TFG: variants seen among roughly 807,000 people sequenced by gnomAD.
TFG encodes protein TFG.
Under a neutral mutation model 51.4 loss-of-function variants are expected in TFG, and 22 were observed. The ratio of observed to expected loss-of-function variants is 0.43; its 90% confidence interval spans 0.31 to 0.61. TFG has a LOEUF of 0.61. Ranked by LOEUF, TFG falls within the 20% of genes least tolerant of loss-of-function variation. The pLI, the probability that TFG is intolerant of heterozygous loss-of-function variation, is 0.12. For synonymous variants in TFG, 187 were observed against 165.6 expected (o/e 1.13, Z -0.99); for missense variants, 419 against 487.7 (o/e 0.86, Z 1.33).
intron 7 of TFG, among the ~76,000 whole-genome samples, chr3:100,746,863 T>A (rs2095136237): frequency 6.6e-6 from 1 of 152,212 alleles, no homozygotes; most frequent in African/African-American, 2.4e-5. Flanking sequence ...TCCATCTATT[T>A]CTTCAAAACC....
chr3:100,711,700 G>A (rs2095031833), intron 1 of TFG, among the ~76,000 whole-genome samples: 1 of 152,192 alleles, frequency 6.6e-6, no homozygotes, highest in Non-Finnish European at 1.5e-5. Flanking sequence ...GCTAAGCACT[G>A]GTTCCTTTTA....
intron 1 of TFG, chr3:100,711,217 C>G (rs1041063947): frequency 6.5e-6 from 1 of 152,742 alleles, no homozygotes; most frequent in African/African-American, 2.4e-5. Flanking sequence ...ATTCTCCTGC[C>G]TCAGTCTCCT....
intron 2 of TFG, among the ~76,000 whole-genome samples, chr3:100,714,316 A>G (rs2095039516): frequency 6.6e-6 from 1 of 152,118 alleles, no homozygotes; most frequent in Non-Finnish European, 1.5e-5. Context: ...CCTGGCCAAC[A>G]TGGCGAAACC....
At chr3:100,727,132 G>C (rs532238545) in intron 3 of TFG, among the ~76,000 whole-genome samples, 1 of 152,300 alleles carries the variant, frequency 6.6e-6, no homozygotes, top group Non-Finnish European at 1.5e-5. Flanking sequence ...TGATGTTGGT[G>C]TTCTTTGAAA....
chr3:100,719,949 CAA>C (rs2095056185), intron 2 of TFG, 24 bp from the exon 3 acceptor site: 1 of 1,406,974 alleles, frequency 7.1e-7, no homozygotes, highest in Non-Finnish European at 9.7e-7. Flanking sequence ...AATTAAAAAA[CAA>C]CCTTTTTTTT....
At chr3:100,731,028 G>C (rs1183325861) in intron 4 of TFG, among the ~76,000 whole-genome samples, 2 of 152,094 alleles carry the variant, frequency 1.3e-5, no homozygotes, top group African/African-American at 2.4e-5. Context: ...AAAATATTAG[G>C]GTAGCCTGGA....
chr3:100,741,178 A>G (rs76475971), intron 6 of TFG, among the ~76,000 whole-genome samples: 2 of 152,182 alleles, frequency 1.3e-5, no homozygotes, highest in Non-Finnish European at 2.9e-5. Context: ...TTAAAAAAAA[A>G]CAAAGCTGTA....
At chr3:100,721,060 T>C (rs1454269428) in intron 3 of TFG, among the ~76,000 whole-genome samples, 1 of 152,214 alleles carries the variant, frequency 6.6e-6, no homozygotes, top group African/African-American at 2.4e-5. Flanking sequence ...ATAATCAGAA[T>C]TTAAATGTTA....
At chr3:100,719,772 A>G (rs1202876156) in intron 2 of TFG, among the ~76,000 whole-genome samples, 1 of 152,166 alleles carries the variant, frequency 6.6e-6, no homozygotes, top group Non-Finnish European at 1.5e-5. Flanking sequence ...ACCTTGCCAT[A>G]AGAGTAATAA....
At position 100,740,461 on chromosome 3, in the gene TFG, T is replaced by A. The variant is rs114606395; in HGVS notation, c.721+3745T>A. 3.4e-3 allele frequency among the ~76,000 whole-genome samples: 514 copies of A among 152,280 alleles called. 5 individuals are homozygous for A. The highest frequency in any genetic ancestry group is 5.0e-3 in the Non-Finnish European group (342 of 68,012). ...AATCAGAAGAGAGTGAGGTAGAAGA[T>A]AACCTTTTATAGCCTGTCCTCAGAA... On this transcript the variant is annotated intron_variant, in intron 6 of 7. Coordinates refer to ENST00000240851, the MANE Select transcript of TFG (RefSeq NM_006070.6).
intron 3 of TFG, among the ~76,000 whole-genome samples, chr3:100,723,673 A>G (rs575151410): frequency 1.3e-5 from 2 of 152,316 alleles, no homozygotes; most frequent in Admixed American, 1.3e-4. Flanking sequence ...CTATATAGCA[A>G]TCTGAACACT....
chr3:100,736,315 T>C (rs1273563856), intron 5 of TFG, among the ~76,000 whole-genome samples: 1 of 152,162 alleles, frequency 6.6e-6, no homozygotes, highest in African/African-American at 2.4e-5. Flanking sequence ...GACATGAGTT[T>C]TGATTTTTGC....
At position 100,720,063 on chromosome 3, in the gene TFG, G is replaced by A; in HGVS notation, c.268+5G>A. The A allele has an allele frequency of 2.0e-6, 3 of 1,516,372 alleles. No individual in the cohort carries two copies. Among genetic ancestry groups the A allele is most frequent in the Non-Finnish European group, 2.7e-6 (3 of 1,124,150 alleles). The allele number at this position is 1,516,372 out of a possible 1,614,324, so 93.9% of individuals were successfully genotyped here. A position where few individuals can be genotyped will look rare whatever the true frequency, so the allele number is the denominator to read the frequency against. On this transcript the variant is annotated splice_donor_5th_base_variant and intron_variant, in intron 3 of 7. Coordinates refer to ENST00000240851, the MANE Select transcript of TFG (RefSeq NM_006070.6). ...TACTGAAACTGACATTATTTGGTGAGTAGTAAACTTTCTAATGAATTTACT... is the reference window on the plus strand; with the variant it reads ...TACTGAAACTGACATTATTTGGTGAATAGTAAACTTTCTAATGAATTTACT...
At chr3:100,733,700 G>A (rs1427035359) in intron 5 of TFG, among the ~76,000 whole-genome samples, 1 of 151,990 alleles carries the variant, frequency 6.6e-6, no homozygotes, top group Non-Finnish European at 1.5e-5. Context: ...TAGACATTCT[G>A]GTTAATATGT....
chr3:100,737,677 T>G (rs1431829579), intron 6 of TFG, among the ~76,000 whole-genome samples: 1 of 152,154 alleles, frequency 6.6e-6, no homozygotes, highest in South Asian at 2.1e-4. Context: ...ATCAATTACA[T>G]TAAAACAAAA....
chr3:100,732,517 A>G lies in TFG; in HGVS notation c.425A>G (p.Asp142Gly). Residue 142 changes from aspartate to glycine, a missense_variant, in exon 5 of 8, where the codon GAT becomes GGT. This residue lies in a region of TFG where 391 missense variants were observed against 434.4 expected (regional missense o/e 0.90). Transcript: ENST00000240851. ...TCCTCTATTTTTACAGATACTGTGGATGGTAGGGAAGAAAAGTCTGCTTCT... is the reference window on the plus strand; with the variant it reads ...TCCTCTATTTTTACAGATACTGTGGGTGGTAGGGAAGAAAAGTCTGCTTCT... Reference protein sequence around the residue: ...STNIPENDTVDGREEKSASDS... With the variant: ...STNIPENDTVGGREEKSASDS... 1 of 1,608,652 alleles carries G rather than the reference A, an allele frequency of 6.2e-7. No individual in the cohort carries two copies. Among genetic ancestry groups the G allele is most frequent in the South Asian group, 1.1e-5 (1 of 89,908 alleles).
At chr3:100,729,115 G>A (rs953110092) in intron 4 of TFG, among the ~76,000 whole-genome samples, 30 of 152,274 alleles carry the variant, frequency 2.0e-4, no homozygotes, top group Middle Eastern at 3.4e-3. Flanking sequence ...CATTTTTAAA[G>A]TGTTTTTTGG....
chr3:100,748,848 A>ATCTT lies in TFG; in HGVS notation c.*318_*321dup, dbSNP rs2095160335. 1 of 290,156 alleles carries ATCTT rather than the reference A, an allele frequency of 3.4e-6. No homozygotes were observed. The highest frequency in any genetic ancestry group is 4.6e-5 in the Admixed American group (1 of 21,798). 18.0% of individuals were successfully genotyped at this position (290,156 alleles called of 1,614,324 possible). On this transcript the variant is annotated 3_prime_UTR_variant, in exon 8 of 8. Coordinates refer to ENST00000240851, the MANE Select transcript of TFG (RefSeq NM_006070.6). ...TAAAATGCTAGGGTGAGGTTTAGCC[A>ATCTT]TCTTACTTGGCTTTTTACTATTAAC... is the stretch of plus-strand genomic sequence containing the variant.
chr3:100,717,465 A>G (rs1239913901), intron 2 of TFG, among the ~76,000 whole-genome samples: 1 of 151,972 alleles, frequency 6.6e-6, no homozygotes, highest in Non-Finnish European at 1.5e-5. Flanking sequence ...TTTGATAGGG[A>G]TTGAATTGAA....
Sources: allele counts gnomAD v4.1 joint callset (sites outside exome capture counted in the v4.1 genomes callset), GRCh38; gene constraint gnomAD v4.1.1; regional missense constraint gnomAD v4.1.1; transcripts MANE v1.5; gene names NCBI Gene and HGNC (gene_info 2026-07-23, HGNC 2026-07-21).